Variants in TNK2 observed in about 807,000 individuals in gnomAD.
The protein encoded by TNK2 is activated CDC42 kinase 1.
TNK2 carries 83 observed loss-of-function variants against 101.8 expected under a neutral mutation model. The ratio of observed to expected loss-of-function variants is 0.82; its 90% CI spans 0.68 to 0.98. The LOEUF (loss-of-function observed/expected upper bound fraction) is 0.98. Among genes scored for constraint, TNK2 ranks in the 50% least tolerant of loss-of-function variants. TNK2 has a pLI of 0.00. For synonymous variants in TNK2, 804 were observed against 633.0 expected (o/e 1.27, Z -4.06); for missense variants, 1,665 against 1,483.2 (o/e 1.12, Z -2.01).
chr3:195,878,305 G>A lies in TNK2; in HGVS notation c.1204C>T (p.Pro402Ser). ...TTCATCTGGATGTGCAGCTTGTCCG[G>A]TTCCTCAAAGTCCTGAAGGGCCCGC... ...DMRALQDFEE[P>S]DKLHIQMNDV... Residue 402 changes from proline (P) to serine (S), a missense_variant, in exon 9 of 16, where the codon CCG becomes TCG. This residue lies in a region of TNK2 where 39 missense variants were observed against 65.8 expected (regional missense o/e 0.59). Transcript: ENST00000672887. This position sits in a 1 kb window ranked among gnomAD's most constrained non-coding sequence, Gnocchi z 4.7. 1 of 1,614,092 alleles carries A rather than the reference G, an allele frequency of 6.2e-7. No homozygotes were observed. The highest frequency in any genetic ancestry group is 2.2e-5 in the East Asian group (1 of 44,860).
chr3:195,891,815 G>T, intron 1 of TNK2: 1 of 565,226 alleles, frequency 1.8e-6, no homozygotes, highest in Non-Finnish European at 2.2e-6. Context: ...TGCCCGGGGT[G>T]GTCAGGGCTG....
intron 2 of TNK2, among the ~76,000 whole-genome samples, chr3:195,887,919 T>G (rs562998230): frequency 1.9e-3 from 271 of 140,398 alleles, no homozygotes; most frequent in African/African-American, 6.6e-3. Flanking sequence ...CGTGCATGCG[T>G]GCGTGCACGT....
chr3:195,867,604 C>T lies in TNK2; in HGVS notation c.2694G>A (p.Glu898=), dbSNP rs1741784219. Residue 898 remains glutamate (E), a synonymous_variant, in exon 13 of 16, where the codon GAG becomes GAA. Transcript: ENST00000672887. ...GAGGCACAGGCAGGGGGGTAGGCTC[C>T]TCGGGGCTCTGGGCCTCACGCAGGA... The part of the protein sequence containing the change: ...QRFLREAQSP[E]EPTPLPVPLL... The T allele has an allele frequency of 6.3e-7, 1 of 1,595,916 alleles. No individual in the cohort carries two copies. Among genetic ancestry groups the T allele is most frequent in the Non-Finnish European group, 8.5e-7 (1 of 1,178,414 alleles).
rs1750401472 is a variant in TNK2, at chr3:195,878,024, C to T, written c.1256+229G>A. ...AAGGCAGCCTGGCCCAACCACACAG[C>T]CAGGGCTGCAGCCCAGTGGGAAAGG... is the stretch of plus-strand genomic sequence containing the variant. On this transcript the variant is annotated intron_variant, in intron 9 of 15. Coordinates refer to ENST00000672887, the MANE Select transcript of TNK2 (RefSeq NM_001382273.1). This position sits in a 1 kb window ranked among gnomAD's most constrained non-coding sequence, Gnocchi z 4.7. Among the ~76,000 whole-genome samples the T allele has an allele frequency of 6.6e-6, 1 of 151,956 alleles. No homozygotes were observed. Among genetic ancestry groups the T allele is most frequent in the African/African-American group, 2.4e-5 (1 of 41,358 alleles).
rs771593431 is a variant in TNK2 at position 195,867,212 on chromosome 3, T to C, written c.2990A>G (p.Gln997Arg). The C allele has an allele frequency of 3.1e-6, 5 of 1,613,044 alleles. No homozygotes were observed. Among genetic ancestry groups the C allele is most frequent in the Admixed American group, 1.7e-5 (1 of 60,024 alleles). ...VTTEECQAAL[Q>R]CHGWSVQRAA... ...CCTCTGCACGCTCCAGCCGTGGCAC[T>C]GCAGGGCCGCCTGGCACTCCTCTGT... Residue 997 changes from glutamine to arginine, a missense_variant, in exon 14 of 16, where the codon CAG becomes CGG. By Grantham distance (43) the Gln-to-Arg change is conservative. Transcript: ENST00000672887.
chr3:195,892,369 C>T, intron 1 of TNK2: 1 of 1,497,110 alleles, frequency 6.7e-7, no homozygotes, highest in Non-Finnish European at 8.9e-7. Context: ...TGCTGAGGAG[C>T]CCAACCAGTC....
intron 1 of TNK2, among the ~76,000 whole-genome samples, chr3:195,897,183 C>G (rs1760680154): frequency 6.6e-6 from 1 of 152,270 alleles, no homozygotes; most frequent in Non-Finnish European, 1.5e-5. Flanking sequence ...GTGCGCAGAG[C>G]CCAGGCTTCT....
In TNK2 at chr3:195,868,533, C is replaced by T. The variant is rs751954076; in HGVS notation, c.1765G>A (p.Gly589Ser). Residue 589 changes from glycine (G) to serine (S), a missense_variant, in exon 13 of 16, where the codon GGT (glycine) becomes AGT (serine). Gly to Ser is a moderately conservative substitution (Grantham distance 56). Around this residue, in one of 3 missense-constraint regions of TNK2, gnomAD observed 1,136 missense variants for 894.9 expected, o/e 1.27. Coordinates refer to ENST00000672887, the MANE Select transcript of TNK2 (RefSeq NM_001382273.1). ...AGGGCCGGGACCACGGGCTCCTCACCGAAGTCGATGAGCGTGACCTCAGCC... is the reference window on the plus strand; with the variant it reads ...AGGGCCGGGACCACGGGCTCCTCACTGAAGTCGATGAGCGTGACCTCAGCC... ...SGAEVTLIDF[G>S]EEPVVPALRP... 5.0e-5 allele frequency: 78 copies of T among 1,564,426 alleles called. No homozygotes were observed. Among genetic ancestry groups the T allele is most frequent in the South Asian group, 1.1e-4 (10 of 87,712 alleles).
chr3:195,870,538 G>A (rs559307638), intron 10 of TNK2: 74 of 568,734 alleles, frequency 1.3e-4, no homozygotes, highest in East Asian at 4.2e-4. Context: ...CTCCTGTCCC[G>A]CAGGCCACGA....
intron 9 of TNK2, among the ~76,000 whole-genome samples, chr3:195,877,111 C>T (rs892067405): frequency 3.3e-5 from 5 of 152,158 alleles, no homozygotes; most frequent in Admixed American, 6.5e-5. Flanking sequence ...GAATGCTCCC[C>T]GGAGCGCCAC....
chr3:195,868,273 A>G lies in TNK2; in HGVS notation c.2025T>C (p.Pro675=). ...TGGTCTGGCCCTGGCTGGGCCCGGCAGGGACCCCCGCGCCCACGAGGGTGC... is the reference window on the plus strand; with the variant it reads ...TGGTCTGGCCCTGGCTGGGCCCGGCGGGGACCCCCGCGCCCACGAGGGTGC... The part of the protein sequence containing the change: ...INSTLVGAGV[P]AGPSQGQTNY... Residue 675 remains proline, a synonymous_variant, in exon 13 of 16, where the codon CCT becomes CCC. Coordinates refer to ENST00000672887, the MANE Select transcript of TNK2 (RefSeq NM_001382273.1). The G allele has an allele frequency of 6.2e-7, 1 of 1,604,390 alleles. No homozygotes were observed.
chr3:195,904,913 G>T (rs180686960), intron 1 of TNK2, among the ~76,000 whole-genome samples: 1 of 152,172 alleles, frequency 6.6e-6, no homozygotes, highest in Non-Finnish European at 1.5e-5. Flanking sequence ...ACTGCTAACC[G>T]ATCAATTCTC....
chr3:195,883,083 G>C (rs1753927909), intron 5 of TNK2, 74 bp downstream of exon 5: 2 of 1,559,122 alleles, frequency 1.3e-6, no homozygotes, highest in Non-Finnish European at 1.7e-6. Flanking sequence ...CCTTAGGATG[G>C]AGAGAGGAAC....
chr3:195,895,422 A>C (rs1760191968), intron 1 of TNK2: 2 of 1,514,450 alleles, frequency 1.3e-6, no homozygotes, highest in East Asian at 5.4e-5. Flanking sequence ...AGCATCCTCC[A>C]GAAGTGCAGG....
chr3:195,894,569 T>C (rs1391601943), intron 1 of TNK2: 2 of 151,624 alleles, frequency 1.3e-5, no homozygotes, highest in African/African-American at 2.4e-5. Flanking sequence ...TTTTTTTTTT[T>C]CCGCCATGTT....
Position 195,883,290 on chromosome 3 carries a change from C to T in TNK2, c.476G>A (p.Cys159Tyr). The T allele has an allele frequency of 6.2e-7, 1 of 1,613,322 alleles. No individual in the cohort carries two copies. The highest frequency in any genetic ancestry group is 8.5e-7 in the Non-Finnish European group (1 of 1,180,018). The change falls in exon 5 of 16, where the codon TGC becomes TAC. Residue 159 changes from cysteine (C) to tyrosine (Y), a missense_variant. Physicochemically the swap from Cys to Tyr is radical, Grantham distance 194. This residue lies in a region of TNK2 where 490 missense variants were observed against 522.5 expected (regional missense o/e 0.94). Transcript: ENST00000672887. Reference protein sequence around the residue: ...SGKTVSVAVKCLKPDVLSQPE... With the variant: ...SGKTVSVAVKYLKPDVLSQPE... Reference sequence around the variant, plus strand: ...CTGGCTCAGGACATCGGGCTTCAGGCACTTCACAGCCACACTCACCTGCCC... The same window carrying T: ...CTGGCTCAGGACATCGGGCTTCAGGTACTTCACAGCCACACTCACCTGCCC...
intron 4 of TNK2, 30 bp downstream of exon 4, chr3:195,884,782 T>C: frequency 8.9e-6 from 14 of 1,579,074 alleles, no homozygotes; most frequent in Non-Finnish European, 1.2e-5. Context: ...CCCATGCCTC[T>C]GCTGCGCTGG....
At position 195,867,022 on chromosome 3, in the gene TNK2, G is replaced by A. The variant is rs1314090193; in HGVS notation, c.3034-6C>T. The A allele has an allele frequency of 6.2e-7, 1 of 1,613,076 alleles. No homozygotes were observed. The highest frequency in any genetic ancestry group is 1.7e-5 in the Admixed American group (1 of 60,016). ...AGCCCGAAGAGCTGCTCCACCTGGG[G>A]GTAAGGGTGGCGCCATGGACACGCG... On this transcript the variant is annotated splice_region_variant and splice_polypyrimidine_tract_variant and intron_variant, in intron 14 of 15. Transcript: ENST00000672887.
intron 9 of TNK2, among the ~76,000 whole-genome samples, chr3:195,877,916 G>C (rs1397335752): frequency 6.7e-6 from 1 of 148,550 alleles, no homozygotes; most frequent in Non-Finnish European, 1.5e-5. Flanking sequence ...AGCAGGGAGA[G>C]AAGCGGGGAG....
Sources: gnomAD v4.1 joint callset for allele counts (sites outside exome capture counted in the v4.1 genomes callset) on GRCh38, gnomAD v4.1.1 for gene constraint, gnomAD v4.1.1 regional missense constraint, Gnocchi (gnomAD v3.1) non-coding constraint, MANE v1.5 for transcripts, NCBI Gene and HGNC (gene_info 2026-07-23, HGNC 2026-07-21) for gene names.